The following SH3RF3 variants were observed in gnomAD, a reference collection of about 807,000 sequenced individuals.
SH3RF3 encodes the protein E3 ubiquitin-protein ligase SH3RF3.
Under a neutral mutation model 66.3 loss-of-function variants are expected in SH3RF3, and 29 were observed. That is an observed-to-expected ratio of 0.44 (90% confidence interval 0.33 to 0.60). SH3RF3 has a LOEUF of 0.60. SH3RF3 is among the 20% of genes least tolerant of loss of function. The pLI is 0.04. For missense variants in SH3RF3, 1,194 were observed against 1,190.9 expected, an observed-to-expected ratio of 1.00 and a Z score of -0.04; for synonymous variants, 583 against 532.0, an observed-to-expected ratio of 1.10 and a Z score of -1.32.
rs1274752886 is a variant in SH3RF3, at chr2:109,493,104, A to C, written c.2480+2168A>C. 2.1e-3 allele frequency among the ~76,000 whole-genome samples: 192 copies of C among 92,532 alleles called. 1 individual carries two copies. Among genetic ancestry groups the C allele is most frequent in the African/African-American group, 6.9e-3 (184 of 26,692 alleles). The allele number at this position is 92,532 out of a possible 152,430, so 60.7% of individuals were successfully genotyped here. ...ACCATACATACAAACATACACATAC[A>C]CCACAGATACATCATATAAACACAC... On this transcript the variant is annotated intron_variant, in intron 9 of 9. Coordinates refer to ENST00000309415, the MANE Select transcript of SH3RF3 (RefSeq NM_001099289.3).
At chr2:109,473,984 C>G (rs1678605602) in intron 8 of SH3RF3, among the ~76,000 whole-genome samples, 1 of 152,186 alleles carries the variant, frequency 6.6e-6, no homozygotes, top group South Asian at 2.1e-4. Flanking sequence ...CTGGAAGGTG[C>G]TGGAGGCCAA....
At chr2:109,282,315 G>A (rs1680915143) in intron 1 of SH3RF3, among the ~76,000 whole-genome samples, 1 of 152,116 alleles carries the variant, frequency 6.6e-6, no homozygotes, top group Admixed American at 6.5e-5. Flanking sequence ...CATAATTGGT[G>A]CAAGTTGTCT....
At position 109,364,560 on chromosome 2, in the gene SH3RF3, T is replaced by C. The variant is rs573853405; in HGVS notation, c.850-7026T>C. ...GATATTTTCTTGATACCAGACATGG[T>C]GGACTGGGTAAAAAGAACTGCTGTA... On this transcript the variant is annotated intron_variant, in intron 2 of 9. Coordinates refer to ENST00000309415, the MANE Select transcript of SH3RF3 (RefSeq NM_001099289.3). Among the ~76,000 whole-genome samples, 7 of 152,330 alleles carry C rather than the reference T, an allele frequency of 4.6e-5. No homozygotes were observed. The East Asian group carries it at 1.4e-3, about 29-fold the overall frequency.
rs911986496 is a variant in SH3RF3, at chr2:109,504,189, G to A, written c.*2518G>A. 9 of 152,222 alleles carry A rather than the reference G, an allele frequency of 5.9e-5. No individual in the cohort carries two copies. In the East Asian group the frequency reaches 1.7e-3, roughly 29 times the overall value. 9.4% of individuals were successfully genotyped at this position (152,222 alleles called of 1,614,324 possible). A position where few individuals can be genotyped will look rare whatever the true frequency, so the allele number is the denominator to read the frequency against. Reference sequence around the variant, plus strand: ...TTGCCTCAAAGGGTACACATGTTTGGCGGTTAAGATGAAACTAACCCTTAT... The same window carrying A: ...TTGCCTCAAAGGGTACACATGTTTGACGGTTAAGATGAAACTAACCCTTAT... On this transcript the variant is annotated 3_prime_UTR_variant, in exon 10 of 10. Transcript: ENST00000309415.
chr2:109,500,266 G>T (rs1186073012), intron 9 of SH3RF3, among the ~76,000 whole-genome samples: 1 of 152,182 alleles, frequency 6.6e-6, no homozygotes, highest in Non-Finnish European at 1.5e-5. Flanking sequence ...GCTCAGAGGA[G>T]CCAGGCTGGA....
chr2:109,303,964 G>A (rs918290631), intron 1 of SH3RF3, among the ~76,000 whole-genome samples: 1 of 152,080 alleles, frequency 6.6e-6, no homozygotes, highest in Non-Finnish European at 1.5e-5. Context: ...AGCCAGGCAT[G>A]GTGGCACTTG....
intron 1 of SH3RF3, among the ~76,000 whole-genome samples, chr2:109,325,477 A>G (rs151009637): frequency 2.0e-5 from 3 of 150,926 alleles, no homozygotes; most frequent in African/African-American, 7.3e-5. Context: ...AGTAGATGGG[A>G]CTACAGGCAT....
chr2:109,420,248 T>C (rs1336186396), intron 5 of SH3RF3, among the ~76,000 whole-genome samples: 1 of 152,212 alleles, frequency 6.6e-6, no homozygotes, highest in Non-Finnish European at 1.5e-5. Context: ...TCTGAAGAAT[T>C]AGACTCCCTT....
At chr2:109,463,124 G>T (rs1678250565) in intron 8 of SH3RF3, among the ~76,000 whole-genome samples, 1 of 152,202 alleles carries the variant, frequency 6.6e-6, no homozygotes, top group Admixed American at 6.5e-5. Context: ...GGAATTGATT[G>T]AAGGGTTGTG....
intron 1 of SH3RF3, among the ~76,000 whole-genome samples, chr2:109,191,228 G>A (rs1302079252): frequency 6.6e-6 from 1 of 152,154 alleles, no homozygotes; most frequent in African/African-American, 2.4e-5. Flanking sequence ...TAGGACATGT[G>A]CTTAAAAAAG....
In SH3RF3 at chr2:109,502,306, C is replaced by T. The variant is rs1482243281; in HGVS notation, c.*635C>T. The T allele has an allele frequency of 6.6e-6, 1 of 152,192 alleles. No individual in the cohort carries two copies. Among genetic ancestry groups the T allele is most frequent in the Non-Finnish European group, 1.5e-5 (1 of 68,044 alleles). The allele number at this position is 152,192 out of a possible 1,614,324, so 9.4% of individuals were successfully genotyped here. A position where few individuals can be genotyped will look rare whatever the true frequency, so the allele number is the denominator to read the frequency against. On this transcript the variant is annotated 3_prime_UTR_variant, in exon 10 of 10. Transcript: ENST00000309415. ...CACTTTCTGTTCACCACCATTGTCC[C>T]TTGCATTACTTCTTTCTTACAGCAT...
rs192585828 is a variant in SH3RF3 at position 109,201,762 on chromosome 2, T to G, written c.573+71649T>G. ...GCACAGCCAAGCGGTGAAAGGAGCATTGGTAGGAAATGAGCTTTGGGAAGT... is the reference window on the plus strand; with the variant it reads ...GCACAGCCAAGCGGTGAAAGGAGCAGTGGTAGGAAATGAGCTTTGGGAAGT... On this transcript the variant is annotated intron_variant, in intron 1 of 9. Coordinates refer to ENST00000309415, the MANE Select transcript of SH3RF3 (RefSeq NM_001099289.3). Among the ~76,000 whole-genome samples the G allele has an allele frequency of 6.3e-3, 962 of 152,170 alleles. 4 individuals are homozygous for G. Among genetic ancestry groups the G allele is most frequent in the Non-Finnish European group, 9.3e-3 (630 of 68,014 alleles).
intron 1 of SH3RF3, among the ~76,000 whole-genome samples, chr2:109,131,996 A>G (rs1167456022): frequency 1.3e-5 from 2 of 152,236 alleles, no homozygotes; most frequent in African/African-American, 4.8e-5. Flanking sequence ...TTGTAATAGC[A>G]TATCAGGCAT....
chr2:109,450,303 G>C (rs1224312459), intron 8 of SH3RF3, among the ~76,000 whole-genome samples: 1 of 151,592 alleles, frequency 6.6e-6, no homozygotes, highest in Middle Eastern at 3.2e-3. Flanking sequence ...CCAAGATTGT[G>C]CCACTGCACT....
chr2:109,488,643 G>A (rs562515584), intron 8 of SH3RF3, among the ~76,000 whole-genome samples: 63 of 152,270 alleles, frequency 4.1e-4, no homozygotes, highest in African/African-American at 1.5e-3. Context: ...AGCAGTTCCC[G>A]ATGTGTGTTC....
At chr2:109,292,877 T>C (rs1283093676) in intron 1 of SH3RF3, among the ~76,000 whole-genome samples, 2 of 152,066 alleles carry the variant, frequency 1.3e-5, no homozygotes, top group African/African-American at 4.8e-5. Flanking sequence ...GGATTACAGG[T>C]GTGCACCAGC....
intron 1 of SH3RF3, among the ~76,000 whole-genome samples, chr2:109,339,182 A>G (rs1682497923): frequency 6.7e-6 from 1 of 149,622 alleles, no homozygotes; most frequent in Non-Finnish European, 1.5e-5. Flanking sequence ...TAGGCAGAGA[A>G]GGGAGGCACA....
chr2:109,301,879 C>T (rs187282859), intron 1 of SH3RF3, among the ~76,000 whole-genome samples: 81 of 152,304 alleles, frequency 5.3e-4, no homozygotes, highest in African/African-American at 1.6e-3. Context: ...GAAGTCTGTT[C>T]TCAAGGGTGT....
chr2:109,364,807 G>C (rs527818944), intron 2 of SH3RF3, among the ~76,000 whole-genome samples: 1 of 152,236 alleles, frequency 6.6e-6, no homozygotes, highest in African/African-American at 2.4e-5. Context: ...AACCCCAATG[G>C]GGGCCAGATG....
Sources: gnomAD v4.1 joint callset for allele counts (sites outside exome capture counted in the v4.1 genomes callset) on GRCh38, gnomAD v4.1.1 for gene constraint, MANE v1.5 for transcripts, NCBI Gene and HGNC (gene_info 2026-07-23, HGNC 2026-07-21) for gene names.